CLCN5: variants seen among roughly 807,000 people sequenced by gnomAD.
The protein encoded by CLCN5 is Cl-/H+ antiporter 5, also known as H(+)/Cl(-) exchange transporter 5.
A neutral mutation model predicts 54.0 loss-of-function variants in CLCN5; 17 were observed. The observed-to-expected ratio is 0.31, with a 90% confidence interval of 0.22 to 0.47. The LOEUF is 0.47. CLCN5 is among the 20% of genes least tolerant of loss of function. The pLI is 1.00. For synonymous variants in CLCN5, 222 were observed against 233.0 expected (o/e 0.95, Z 0.43); for missense variants, 448 against 646.7 (o/e 0.69, Z 3.33).
chrX:50,007,120 C>G (rs1171848903), intron 3 of CLCN5, among the ~76,000 whole-genome samples: 1 of 111,873 alleles, frequency 8.9e-6, no homozygotes, highest in Admixed American at 9.5e-5. Context: ...TGAGCTGTCT[C>G]GGCATTCTTC....
At chrX:50,076,693 A>T (rs992816991) in intron 7 of CLCN5, among the ~76,000 whole-genome samples, 2 of 110,341 alleles carry the variant, frequency 1.8e-5, no homozygotes, top group Non-Finnish European at 3.8e-5. Flanking sequence ...ACACCTAGAT[A>T]ATTTATTTAT....
intron 3 of CLCN5, among the ~76,000 whole-genome samples, chrX:49,945,036 T>G (rs1160861443): frequency 8.9e-6 from 1 of 112,136 alleles, no homozygotes; most frequent in African/African-American, 3.2e-5. Flanking sequence ...AACTTCTTTA[T>G]TATGGTTTAA....
At chrX:50,058,484 GA>G (rs1218998435) in intron 4 of CLCN5, among the ~76,000 whole-genome samples, 5 of 108,315 alleles carry the variant, frequency 4.6e-5, no homozygotes, top group African/African-American at 1.0e-4. Context: ...GTGATTTTTA[GA>G]AAAAAAAATT....
chrX:49,964,052 C>A (rs2147309956), intron 3 of CLCN5, among the ~76,000 whole-genome samples: 1 of 112,136 alleles, frequency 8.9e-6, no homozygotes, highest in African/African-American at 3.2e-5. Context: ...GTTTGTCCAG[C>A]AACCATTTAT....
intron 3 of CLCN5, among the ~76,000 whole-genome samples, chrX:50,001,602 C>T (rs1557180345): frequency 1.1e-5 from 1 of 93,105 alleles, no homozygotes; most frequent in Non-Finnish European, 2.1e-5. Flanking sequence ...TCTCCTAATG[C>T]TATCCCTCCC....
chrX:49,973,444 A>G (rs1419646228), intron 3 of CLCN5, among the ~76,000 whole-genome samples: 1 of 109,576 alleles, frequency 9.1e-6, no homozygotes, highest in East Asian at 2.8e-4. Context: ...TACATGTGCC[A>G]TGTTGGTGTG....
intron 3 of CLCN5, among the ~76,000 whole-genome samples, chrX:50,005,137 C>G (rs1278544208): frequency 5.4e-5 from 6 of 111,493 alleles, no homozygotes; most frequent in Admixed American, 3.8e-4. Flanking sequence ...TCATCCTATA[C>G]AGTTTTGCAT....
intron 3 of CLCN5, among the ~76,000 whole-genome samples, chrX:49,970,514 C>A (rs1263446684): frequency 5.4e-5 from 6 of 111,510 alleles, no homozygotes; most frequent in African/African-American, 2.0e-4. Flanking sequence ...TGAAATCATA[C>A]AGTATGTGGT....
At chrX:50,088,132 G>T (rs1226243706) in intron 11 of CLCN5, among the ~76,000 whole-genome samples, 2 of 112,070 alleles carry the variant, frequency 1.8e-5, no homozygotes, top group African/African-American at 6.5e-5. Flanking sequence ...TATGAGCATG[G>T]TTATGAGCAT....
intron 3 of CLCN5, among the ~76,000 whole-genome samples, chrX:49,957,942 T>TA (rs1257232962): frequency 9.4e-6 from 1 of 106,287 alleles, no homozygotes. Context: ...GGCTTATTGA[T>TA]AGAGAGGTGG....
chrX:50,049,074 A>T (rs1454377012), intron 4 of CLCN5, among the ~76,000 whole-genome samples: 1 of 111,290 alleles, frequency 9.0e-6, no homozygotes, highest in Non-Finnish European at 1.9e-5. Context: ...CAACAGTGAG[A>T]AACCTGGTTC....
intron 3 of CLCN5, among the ~76,000 whole-genome samples, chrX:49,958,019 A>G (rs1304634929): frequency 6.3e-5 from 7 of 110,714 alleles, no homozygotes; most frequent in Non-Finnish European, 1.3e-4. Context: ...GCTCCATGCA[A>G]CTTTATCACA....
At chrX:50,080,478 T>G (rs893575495) in intron 7 of CLCN5, 116 bp from the exon 8 acceptor site, 25 of 655,164 alleles carry the variant, frequency 3.8e-5, no homozygotes, top group Non-Finnish European at 5.5e-5. Flanking sequence ...CAATTTAATC[T>G]CGGTGGTTTT....
In CLCN5 at chrX:50,043,028, G is replaced by C. The variant is rs1373742879; in HGVS notation, c.163+566G>C. ...CATCCTAGTATAATACGTATGTAGT[G>C]TTATCTCATCATTGTCTCAATTTAA... On this transcript the variant is annotated intron_variant, in intron 4 of 14. Transcript: ENST00000376091. Among the ~76,000 whole-genome samples the C allele has an allele frequency of 3.6e-5, 4 of 111,796 alleles. No individual in the cohort carries two copies. In the Admixed American group the frequency reaches 3.8e-4, roughly 11 times the overall value.
chrX:49,982,671 C>T (rs1407336617), intron 3 of CLCN5, among the ~76,000 whole-genome samples: 1 of 111,619 alleles, frequency 9.0e-6, no homozygotes, highest in African/African-American at 3.3e-5. Context: ...GCAGTGCAAG[C>T]TTGTGTGCGT....
intron 3 of CLCN5, among the ~76,000 whole-genome samples, chrX:49,989,216 G>A (rs1346571172): frequency 1.8e-5 from 2 of 110,446 alleles, no homozygotes; most frequent in Admixed American, 9.6e-5. Context: ...GGGACCACAG[G>A]TGTGCACCAC....
At chrX:50,050,937 C>G (rs1932565493) in intron 4 of CLCN5, among the ~76,000 whole-genome samples, 1 of 111,247 alleles carries the variant, frequency 9.0e-6, no homozygotes. Flanking sequence ...GCGGGGATTA[C>G]AGGCGTGAGC....
At chrX:50,013,446 G>A (rs1930625619) in intron 3 of CLCN5, 1 of 250,711 alleles carries the variant, frequency 4.0e-6, no homozygotes, top group Non-Finnish European at 7.7e-6. Context: ...CTCTCTCCGG[G>A]ACTTCCTATC....
At chrX:49,933,640 T>A (rs1472137813) in intron 3 of CLCN5, among the ~76,000 whole-genome samples, 1 of 112,383 alleles carries the variant, frequency 8.9e-6, no homozygotes, top group African/African-American at 3.2e-5. Context: ...TTAATCTCTT[T>A]GTGCCTTACC....
Sources: allele counts gnomAD v4.1 joint callset (sites outside exome capture counted in the v4.1 genomes callset), GRCh38; gene constraint gnomAD v4.1.1; transcripts MANE v1.5; gene names NCBI Gene and HGNC (gene_info 2026-07-23, HGNC 2026-07-21).